The following CNGB3 variants were observed in gnomAD, a reference collection of about 807,000 sequenced individuals.
CNGB3 encodes cyclic nucleotide gated channel subunit beta 3, also known as cyclic nucleotide-gated channel beta-3.
Under a neutral mutation model 92.8 loss-of-function variants are expected in CNGB3, and 86 were observed. The ratio of observed to expected loss-of-function variants is 0.93; its 90% CI spans 0.78 to 1.11. The LOEUF (loss-of-function observed/expected upper bound fraction) is 1.11, where lower values mean the gene tolerates loss of function less well. Among genes scored for constraint, CNGB3 ranks in the 50% least tolerant of loss-of-function variants. The pLI, the probability that CNGB3 is intolerant of heterozygous loss-of-function variation, is 0.00. For synonymous variants in CNGB3, 333 were observed against 332.7 expected (o/e 1.00, Z -0.01); for missense variants, 1,026 against 956.8 (o/e 1.07, Z -0.95).
chr8:86,689,635 A>G (rs1824265797), intron 3 of CNGB3, among the ~76,000 whole-genome samples: 1 of 151,922 alleles, frequency 6.6e-6, no homozygotes, highest in African/African-American at 2.4e-5. Flanking sequence ...ATATGTATAC[A>G]TGTGCCATGT....
At chr8:86,739,816 C>T (rs1825311536) in intron 1 of CNGB3, 80 bp from the exon 2 acceptor site, 5 of 1,458,680 alleles carry the variant, frequency 3.4e-6, no homozygotes, top group South Asian at 2.3e-5. Context: ...CACCATTTTC[C>T]ACTTAATTGT....
At chr8:86,695,978 A>G (rs993890014) in intron 3 of CNGB3, among the ~76,000 whole-genome samples, 1 of 152,060 alleles carries the variant, frequency 6.6e-6, no homozygotes, top group Non-Finnish European at 1.5e-5. Context: ...GAATGTCTGA[A>G]AAGTGTCCTG....
intron 14 of CNGB3, among the ~76,000 whole-genome samples, chr8:86,608,928 C>T (rs965430878): frequency 1.3e-5 from 2 of 152,140 alleles, no homozygotes; most frequent in African/African-American, 2.4e-5. Flanking sequence ...AGTGGTCCCC[C>T]GGGCCCAGCT....
chr8:86,696,770 C>G (rs1032160655), intron 3 of CNGB3, among the ~76,000 whole-genome samples: 3 of 152,098 alleles, frequency 2.0e-5, no homozygotes, highest in Non-Finnish European at 4.4e-5. Flanking sequence ...AATGGCATGG[C>G]ATATCTTTTT....
intron 3 of CNGB3, among the ~76,000 whole-genome samples, chr8:86,677,791 A>G (rs10504826): frequency 0.58 from 87,524 of 152,032 alleles, 28,999 homozygotes; most frequent in South Asian, 0.86. Context: ...CTTTAAGAAC[A>G]TTGGTTAGGG....
At chr8:86,605,612 A>T (rs1314317882) in intron 14 of CNGB3, among the ~76,000 whole-genome samples, 1 of 152,208 alleles carries the variant, frequency 6.6e-6, no homozygotes, top group Non-Finnish European at 1.5e-5. Context: ...TTTTATTTTT[A>T]AAAATATTTA....
At chr8:86,633,706 G>A (rs1170034744) in intron 10 of CNGB3, among the ~76,000 whole-genome samples, 3 of 152,206 alleles carry the variant, frequency 2.0e-5, no homozygotes, top group African/African-American at 4.8e-5. Context: ...ATTTGAGGCT[G>A]TTTTTAAACT....
At chr8:86,615,097 T>G (rs1209122489) in intron 13 of CNGB3, among the ~76,000 whole-genome samples, 1 of 152,160 alleles carries the variant, frequency 6.6e-6, no homozygotes, top group Non-Finnish European at 1.5e-5. Context: ...TATAGTGAGT[T>G]AAAGTATACA....
rs73271547 is a variant in CNGB3, at chr8:86,610,277, C to G, written c.1662+1311G>C. Among the ~76,000 whole-genome samples, 20 of 152,174 alleles carry G rather than the reference C, an allele frequency of 1.3e-4. No homozygotes were observed. In the South Asian group the frequency reaches 3.9e-3, roughly 30 times the overall value. On this transcript the variant is annotated intron_variant, in intron 14 of 17. Coordinates refer to ENST00000320005, the MANE Select transcript of CNGB3 (RefSeq NM_019098.5). ...AACCATCTTTTTTTTGCTCAGTGCC[C>G]TCCACTGTTTCTGGCTCATCATATT...
intron 3 of CNGB3, among the ~76,000 whole-genome samples, chr8:86,692,078 G>T (rs1168318597): frequency 6.6e-6 from 1 of 152,088 alleles, no homozygotes; most frequent in Non-Finnish European, 1.5e-5. Flanking sequence ...ATTCCACTGT[G>T]GTCTGAGACA....
At chr8:86,581,740 C>G (rs908499165) in intron 15 of CNGB3, among the ~76,000 whole-genome samples, 7 of 152,098 alleles carry the variant, frequency 4.6e-5, no homozygotes, top group Admixed American at 3.3e-4. Context: ...ACCTTACCCC[C>G]CCACCAAGTC....
intron 6 of CNGB3, chr8:86,660,229 G>T: frequency 3.2e-6 from 1 of 311,168 alleles, no homozygotes; most frequent in South Asian, 3.1e-5. Context: ...TTTGTATGCT[G>T]ATATTCTCTC....
At chr8:86,633,464 GC>G (rs1202806465) in intron 10 of CNGB3, among the ~76,000 whole-genome samples, 1 of 152,154 alleles carries the variant, frequency 6.6e-6, no homozygotes, top group Non-Finnish European at 1.5e-5. Context: ...AATGTGACTA[GC>G]TTGGGCTTCC....
At chr8:86,704,651 A>G (rs187603987) in intron 3 of CNGB3, among the ~76,000 whole-genome samples, 2 of 152,166 alleles carry the variant, frequency 1.3e-5, no homozygotes, top group Non-Finnish European at 2.9e-5. Flanking sequence ...ACACTGAGAC[A>G]ATGTCAAGGG....
intron 15 of CNGB3, among the ~76,000 whole-genome samples, chr8:86,603,091 A>T (rs1476199159): frequency 1.3e-5 from 2 of 152,172 alleles, no homozygotes; most frequent in African/African-American, 4.8e-5. Context: ...CTCAGGTCAA[A>T]TATTATCTCC....
At chr8:86,712,528 A>G (rs972538540) in intron 3 of CNGB3, among the ~76,000 whole-genome samples, 2 of 152,072 alleles carry the variant, frequency 1.3e-5, no homozygotes, top group African/African-American at 4.8e-5. Context: ...TTACTCCAGC[A>G]CTACTTACTT....
At chr8:86,723,417 G>A (rs569534036) in intron 3 of CNGB3, among the ~76,000 whole-genome samples, 1 of 152,154 alleles carries the variant, frequency 6.6e-6, no homozygotes, top group African/African-American at 2.4e-5. Context: ...CTTGCCCAAG[G>A]TTGAAGATGC....
intron 10 of CNGB3, among the ~76,000 whole-genome samples, chr8:86,636,926 G>C (rs1823083781): frequency 6.6e-6 from 1 of 152,130 alleles, no homozygotes; most frequent in Non-Finnish European, 1.5e-5. Flanking sequence ...ACAAATGGCA[G>C]AATTTCTTTC....
chr8:86,684,119 G>T (rs775081911), intron 3 of CNGB3, among the ~76,000 whole-genome samples: 11 of 152,082 alleles, frequency 7.2e-5, no homozygotes, highest in Non-Finnish European at 1.6e-4. Flanking sequence ...CTAGTATCTA[G>T]GATATAAAGA....
Sources: gnomAD v4.1 joint callset for allele counts (sites outside exome capture counted in the v4.1 genomes callset) on GRCh38, gnomAD v4.1.1 for gene constraint, MANE v1.5 for transcripts, NCBI Gene and HGNC (gene_info 2026-07-23, HGNC 2026-07-21) for gene names.